NXPE4: variants seen among roughly 807,000 people sequenced by gnomAD.
NXPE4 encodes the protein NXPE family member 4.
In NXPE4, 42 loss-of-function variants were observed where a neutral mutation model predicts 33.3. The ratio of observed to expected loss-of-function variants is 1.26; its 90% confidence interval spans 0.98 to 1.63. NXPE4 has a LOEUF of 1.63. NXPE4 is among the 40% of genes most tolerant of loss of function. The pLI is 0.00. For missense variants in NXPE4, 709 were observed against 647.6 expected, an observed-to-expected ratio of 1.09 and a Z score of -1.03; for synonymous variants, 253 against 234.9, an observed-to-expected ratio of 1.08 and a Z score of -0.71.
the NXPE4 span, among the ~76,000 whole-genome samples, chr11:114,632,224 T>C: frequency 7.1e-6 from 1 of 140,654 alleles, no homozygotes; most frequent in East Asian, 2.0e-4. Context: ...TATATGTATA[T>C]ATGTATAATA....
the NXPE4 span, among the ~76,000 whole-genome samples, chr11:114,638,883 T>C: frequency 6.6e-6 from 1 of 150,710 alleles, no homozygotes; most frequent in African/African-American, 2.5e-5. Context: ...TACTGGGGGG[T>C]GCCTCCTAGT....
intron 2 of NXPE4, chr11:114,584,215 G>C (rs552220172): frequency 1.7e-4 from 68 of 394,308 alleles, no homozygotes; most frequent in African/African-American, 1.3e-3. Flanking sequence ...TGTGGCTCTG[G>C]ATATGGAGAT....
the NXPE4 span, among the ~76,000 whole-genome samples, chr11:114,660,774 G>C: frequency 6.6e-6 from 1 of 151,842 alleles, no homozygotes; most frequent in South Asian, 2.1e-4. Context: ...AAAATAAAAG[G>C]CATACCATTT....
At chr11:114,621,627 T>A in the NXPE4 span, among the ~76,000 whole-genome samples, 3 of 152,186 alleles carry the variant, frequency 2.0e-5, no homozygotes, top group African/African-American at 7.2e-5. Context: ...ACCCAGTGGA[T>A]AATAAGTATT....
chr11:114,607,024 C>T, the NXPE4 span, among the ~76,000 whole-genome samples: 11 of 152,044 alleles, frequency 7.2e-5, no homozygotes, highest in South Asian at 2.1e-4. Context: ...AGAGTAATCA[C>T]GGTTACCCAG....
Position 114,594,707 on chromosome 11 carries a change from A to G in NXPE4, c.53T>C (p.Leu18Ser). The change falls in exon 2 of 6, where the codon TTA becomes TCA. Residue 18 changes from leucine to serine, a missense_variant. Leu to Ser is a moderately radical substitution (Grantham distance 145, BLOSUM62 -2). Transcript: ENST00000375478. Reference protein sequence around the residue: ...YKSLLALLFILASWIIFTVFQ... With the variant: ...YKSLLALLFISASWIIFTVFQ... The stretch of plus-strand genomic sequence containing the variant: ...AACTGTAAAAATGATCCAGGAGGCT[A>G]ATATAAACAACAGTGCCAATAGTGA... The G allele has an allele frequency of 6.2e-7, 1 of 1,604,646 alleles. No individual in the cohort carries two copies. The highest frequency in any genetic ancestry group is 8.5e-7 in the Non-Finnish European group (1 of 1,172,916).
At position 114,587,707 on chromosome 11, in the gene NXPE4, A is replaced by C. The variant is rs141686955; in HGVS notation, c.97-4686T>G. ...CCCCCACTGTCTTCCCCTCCACCCT[A>C]GGCCTTTCCAAAGGAAACGAAGGTG... On this transcript the variant is annotated intron_variant, in intron 2 of 5. Coordinates refer to ENST00000375478, the MANE Select transcript of NXPE4 (RefSeq NM_001077639.2). 1.8e-3 allele frequency among the ~76,000 whole-genome samples: 274 copies of C among 152,300 alleles called. 1 individual carries two copies. The highest frequency in any genetic ancestry group is 6.3e-3 in the African/African-American group (263 of 41,580).
the NXPE4 span, among the ~76,000 whole-genome samples, chr11:114,664,253 G>A: frequency 1.3e-5 from 2 of 152,012 alleles, no homozygotes; most frequent in African/African-American, 4.8e-5. Context: ...AAAGAACACA[G>A]ACTAAAAAGG....
At chr11:114,615,581 G>GTA in the NXPE4 span, among the ~76,000 whole-genome samples, 1 of 147,986 alleles carries the variant, frequency 6.8e-6, no homozygotes, top group African/African-American at 2.6e-5. Flanking sequence ...ACCTTTACCT[G>GTA]GTGAATAATA....
At chr11:114,571,717 G>A (rs1234614556) in intron 5 of NXPE4, among the ~76,000 whole-genome samples, 1 of 152,204 alleles carries the variant, frequency 6.6e-6, no homozygotes, top group Non-Finnish European at 1.5e-5. Flanking sequence ...CAGACAAACA[G>A]AGCAGCCTGT....
intron 5 of NXPE4, among the ~76,000 whole-genome samples, chr11:114,573,184 C>G (rs1000669776): frequency 5.9e-5 from 9 of 152,060 alleles, no homozygotes; most frequent in Non-Finnish European, 8.8e-5. Context: ...CCAGCAAGCA[C>G]TACAATAACT....
At chr11:114,631,554 G>T in the NXPE4 span, among the ~76,000 whole-genome samples, 1 of 151,040 alleles carries the variant, frequency 6.6e-6, no homozygotes, top group African/African-American at 2.4e-5. Context: ...GGATAGCACT[G>T]GGAGATATAC....
At chr11:114,571,566 T>A in intron 5 of NXPE4, 93 bp from the exon 6 acceptor site, 1 of 1,117,250 alleles carries the variant, frequency 9.0e-7, no homozygotes, top group Non-Finnish European at 1.3e-6. Flanking sequence ...TTGGTATAAT[T>A]AAATAAGCTA....
the NXPE4 span, among the ~76,000 whole-genome samples, chr11:114,658,257 G>C: frequency 6.6e-6 from 1 of 152,196 alleles, no homozygotes; most frequent in South Asian, 2.1e-4. Flanking sequence ...AGGGAGCAGG[G>C]GAAGAGGATG....
chr11:114,635,327 T>G, the NXPE4 span, among the ~76,000 whole-genome samples: 3 of 150,376 alleles, frequency 2.0e-5, no homozygotes, highest in Non-Finnish European at 3.0e-5. Flanking sequence ...ATCCTGAGAC[T>G]TTGCTGAAGT....
At chr11:114,601,905 A>C in the NXPE4 span, among the ~76,000 whole-genome samples, 47 of 40,332 alleles carry the variant, frequency 1.2e-3, no homozygotes, top group African/African-American at 3.5e-3. Flanking sequence ...ATTTATATAT[A>C]TTATATAATT....
the NXPE4 span, among the ~76,000 whole-genome samples, chr11:114,643,719 T>C: frequency 3.3e-5 from 5 of 151,094 alleles, no homozygotes; most frequent in Admixed American, 3.3e-4. Flanking sequence ...TCTTTTTGCT[T>C]AAGATTGTCT....
At chr11:114,675,192 C>G in the NXPE4 span, among the ~76,000 whole-genome samples, 1 of 151,438 alleles carries the variant, frequency 6.6e-6, no homozygotes, top group African/African-American at 2.4e-5. Context: ...TATGACAAAC[C>G]CACAACTAAT....
the NXPE4 span, among the ~76,000 whole-genome samples, chr11:114,611,713 T>A: frequency 0.019 from 2,856 of 151,790 alleles, 88 homozygotes; most frequent in African/African-American, 0.065. Context: ...TAGTTAGTAT[T>A]GCCTTGTGGG....
Sources: gnomAD v4.1 joint callset for allele counts (sites outside exome capture counted in the v4.1 genomes callset) on GRCh38, gnomAD v4.1.1 for gene constraint, MANE v1.5 for transcripts, NCBI Gene and HGNC (gene_info 2026-07-23, HGNC 2026-07-21) for gene names.